The following OPCML variants were observed in gnomAD, a reference collection of about 807,000 sequenced individuals.
OPCML encodes opioid binding protein/cell adhesion molecule like.
In OPCML, 13 loss-of-function variants were observed where a neutral mutation model predicts 37.8. The observed-to-expected ratio is 0.34, with a 90% confidence interval of 0.22 to 0.55. OPCML has a LOEUF of 0.55. OPCML is among the 20% of genes least tolerant of loss of function. The pLI is 0.91. For synonymous variants in OPCML, 176 were observed against 168.8 expected (o/e 1.04, Z -0.33); for missense variants, 341 against 435.6 (o/e 0.78, Z 1.93).
intron 2 of OPCML, among the ~76,000 whole-genome samples, chr11:132,730,490 T>A (rs1458096232): frequency 2.0e-5 from 3 of 152,178 alleles, no homozygotes; most frequent in Non-Finnish European, 4.4e-5. Context: ...TCAATTATTT[T>A]CTTCTCTGTG....
chr11:132,768,958 G>A (rs1310682761), intron 2 of OPCML, among the ~76,000 whole-genome samples: 1 of 152,240 alleles, frequency 6.6e-6, no homozygotes, highest in Non-Finnish European at 1.5e-5. Context: ...GTACTGTAGA[G>A]CAAGAATCTC....
chr11:133,023,768 A>G (rs1425296247), intron 1 of OPCML, among the ~76,000 whole-genome samples: 1 of 152,226 alleles, frequency 6.6e-6, no homozygotes, highest in Non-Finnish European at 1.5e-5. Flanking sequence ...GGAGAAAATA[A>G]AAGAAAACAA....
rs2096414602 is a variant in OPCML at position 132,563,269 on chromosome 11, A to G, written c.380-34083T>C. ...TTTGACCTCAGAGTGTGTGCTTATT[A>G]TCACTCTGTTATGCTGTGGGACAAG... On this transcript the variant is annotated intron_variant, in intron 3 of 7. Coordinates refer to ENST00000524381, the MANE Select transcript of OPCML (RefSeq NM_001012393.5). Among the ~76,000 whole-genome samples the G allele has an allele frequency of 2.0e-5, 3 of 152,242 alleles. No individual in the cohort carries two copies. In the South Asian group the frequency reaches 6.2e-4, roughly 32 times the overall value.
intron 2 of OPCML, among the ~76,000 whole-genome samples, chr11:132,887,497 G>A (rs1183010322): frequency 3.9e-5 from 6 of 152,148 alleles, no homozygotes; most frequent in Non-Finnish European, 7.4e-5. Context: ...CCGAAGATGG[G>A]GCCTGACCGA....
chr11:132,959,872 C>T (rs1050419481), intron 1 of OPCML, among the ~76,000 whole-genome samples: 14 of 152,182 alleles, frequency 9.2e-5, no homozygotes, highest in African/African-American at 3.4e-4. Context: ...CTCAATTGTT[C>T]TTTCAAAATG....
chr11:133,390,929 G>C (rs2136810162), intron 1 of OPCML, among the ~76,000 whole-genome samples: 1 of 152,244 alleles, frequency 6.6e-6, no homozygotes, highest in Non-Finnish European at 1.5e-5. Context: ...GGGTCGATTC[G>C]GCAAGAAGGA....
At chr11:132,752,237 C>T (rs1945860870) in intron 2 of OPCML, among the ~76,000 whole-genome samples, 1 of 150,836 alleles carries the variant, frequency 6.6e-6, no homozygotes, top group Non-Finnish European at 1.5e-5. Context: ...TGCCACTTCA[C>T]ACCAAGCATC....
At chr11:132,476,283 G>T (rs528326965) in intron 4 of OPCML, among the ~76,000 whole-genome samples, 1 of 151,966 alleles carries the variant, frequency 6.6e-6, no homozygotes, top group Admixed American at 6.6e-5. Context: ...TCAGTGTGGC[G>T]ATTCCTCAGG....
At chr11:132,487,924 A>G (rs2096205034) in intron 4 of OPCML, among the ~76,000 whole-genome samples, 1 of 152,168 alleles carries the variant, frequency 6.6e-6, no homozygotes, top group Non-Finnish European at 1.5e-5. Context: ...CTATCCATGT[A>G]GATAGGTTTA....
chr11:132,570,814 G>GAGAGAGAGAGAGAGAGAGAGAC (rs2096436562), intron 3 of OPCML, among the ~76,000 whole-genome samples: 1 of 124,278 alleles, frequency 8.0e-6, no homozygotes, highest in South Asian at 2.7e-4. Flanking sequence ...TAGAGAGAGA[G>GAGAGAGAGAGAGAGAGAGAGAC]AGAGAGGATA....
chr11:132,828,508 A>G (rs1014437784), intron 2 of OPCML, among the ~76,000 whole-genome samples: 3 of 151,724 alleles, frequency 2.0e-5, no homozygotes, highest in African/African-American at 7.3e-5. Flanking sequence ...ATAAGTAAGA[A>G]CTCTCTCTAT....
At chr11:132,756,496 G>T (rs1192911277) in intron 2 of OPCML, among the ~76,000 whole-genome samples, 1 of 152,118 alleles carries the variant, frequency 6.6e-6, no homozygotes, top group Non-Finnish European at 1.5e-5. Flanking sequence ...GTTGCTCCTA[G>T]GTGCGACTGT....
intron 2 of OPCML, among the ~76,000 whole-genome samples, chr11:132,807,772 C>T (rs1252715749): frequency 1.3e-5 from 2 of 152,170 alleles, no homozygotes; most frequent in Non-Finnish European, 2.9e-5. Flanking sequence ...TTTCCACTCC[C>T]AGCTAAACCC....
intron 1 of OPCML, among the ~76,000 whole-genome samples, chr11:133,335,202 A>C (rs1405818168): frequency 6.6e-6 from 1 of 152,154 alleles, no homozygotes; most frequent in Non-Finnish European, 1.5e-5. Context: ...ACCATCTTTC[A>C]TGATGGGCAA....
chr11:132,547,709 A>G (rs923045509), intron 3 of OPCML, among the ~76,000 whole-genome samples: 1 of 152,000 alleles, frequency 6.6e-6, no homozygotes, highest in African/African-American at 2.4e-5. Flanking sequence ...ACTTTTTTGA[A>G]GTGGGTAAGT....
chr11:133,378,908 AATTTTTATTTT>A (rs899763044), intron 1 of OPCML, among the ~76,000 whole-genome samples: 3 of 151,762 alleles, frequency 2.0e-5, no homozygotes, highest in African/African-American at 4.8e-5. Context: ...TGCCCATCTA[AATTTTTATTTT>A]ATTTTTATTT....
chr11:132,721,950 C>CTTT (rs34325848), intron 2 of OPCML, among the ~76,000 whole-genome samples: 877 of 82,752 alleles, frequency 0.011, 4 homozygotes, highest in East Asian at 0.018. Flanking sequence ...CTTTCCTTCC[C>CTTT]TTTTTTTTTT....
intron 2 of OPCML, among the ~76,000 whole-genome samples, chr11:132,882,101 A>G (rs1387541733): frequency 6.6e-6 from 1 of 152,206 alleles, no homozygotes; most frequent in Non-Finnish European, 1.5e-5. Context: ...GGACATTTCA[A>G]GGTAAATCCT....
chr11:132,955,298 A>T (rs2136706731), intron 1 of OPCML, among the ~76,000 whole-genome samples: 1 of 152,238 alleles, frequency 6.6e-6, no homozygotes, highest in South Asian at 2.1e-4. Context: ...AGCATTTCGT[A>T]CACTGTTGAT....
Sources: gnomAD v4.1 joint callset for allele counts (sites outside exome capture counted in the v4.1 genomes callset) on GRCh38, gnomAD v4.1.1 for gene constraint, MANE v1.5 for transcripts, NCBI Gene and HGNC (gene_info 2026-07-23, HGNC 2026-07-21) for gene names.